LTAP1: variants seen among roughly 807,000 people sequenced by gnomAD.
LTAP1 encodes the protein HCV NS5A-transactivated protein 4.
chr1:154,218,015 T>C, the LTAP1 span, among the ~76,000 whole-genome samples: 3 of 152,184 alleles, frequency 2.0e-5, no homozygotes, highest in South Asian at 6.2e-4. Context: ...CTGCAGTCTG[T>C]AACTCCTGGG....
chr1:154,219,744 G>A, the LTAP1 span: 9 of 942,634 alleles, frequency 9.5e-6, no homozygotes, highest in African/African-American at 1.0e-4. Flanking sequence ...AGAAACATGA[G>A]AATTAAAGTC....
chr1:154,212,636 A>T, the LTAP1 span: 7 of 1,613,488 alleles, frequency 4.3e-6, no homozygotes, highest in South Asian at 7.7e-5. Context: ...TGTGGAGAAA[A>T]CAGCACAATG....
At chr1:154,220,028 G>T in the LTAP1 span, 1 of 1,129,604 alleles carries the variant, frequency 8.9e-7, no homozygotes, top group Non-Finnish European at 1.3e-6. Flanking sequence ...CAAATCCCCA[G>T]ATTCCGGCTC....
At chr1:154,206,813 C>T in the LTAP1 span, 2 of 155,960 alleles carry the variant, frequency 1.3e-5, no homozygotes, top group African/African-American at 4.8e-5. Context: ...CCTACTGTCA[C>T]ATAGCCTGGC....
At chr1:154,212,491 CA>C in the LTAP1 span, 3 of 1,614,146 alleles carry the variant, frequency 1.9e-6, no homozygotes, top group Non-Finnish European at 2.5e-6. Context: ...CATAGCCATC[CA>C]AAAGGGTATC....
the LTAP1 span, among the ~76,000 whole-genome samples, chr1:154,219,548 A>T: frequency 1.3e-5 from 2 of 152,236 alleles, no homozygotes; most frequent in East Asian, 3.8e-4. Flanking sequence ...GGGTAGTTTA[A>T]GATGAGCTGG....
At chr1:154,211,922 T>C in the LTAP1 span, 1 of 192,534 alleles carries the variant, frequency 5.2e-6, no homozygotes, top group Admixed American at 5.3e-5. Context: ...AATGGCACGA[T>C]CTTGGCTCAC....
the LTAP1 span, among the ~76,000 whole-genome samples, chr1:154,210,810 G>A: frequency 1.3e-5 from 2 of 149,682 alleles, no homozygotes; most frequent in African/African-American, 2.5e-5. Flanking sequence ...TTCCTTTCTC[G>A]CCAAGAACTT....
At chr1:154,213,915 A>C in the LTAP1 span, 14 of 1,613,166 alleles carry the variant, frequency 8.7e-6, no homozygotes, top group Non-Finnish European at 1.1e-5. Flanking sequence ...TGGCATCCAG[A>C]GCTTTCATCC....
chr1:154,207,790 A>T, the LTAP1 span: 2 of 704,562 alleles, frequency 2.8e-6, no homozygotes, highest in South Asian at 3.9e-5. Context: ...AGTTACTAAA[A>T]CCCCATCTAG....
At chr1:154,211,685 T>TG in the LTAP1 span, 7 of 152,258 alleles carry the variant, frequency 4.6e-5, no homozygotes, top group African/African-American at 1.7e-4. Flanking sequence ...AAAGGGACGC[T>TG]GAGACTCTGA....
the LTAP1 span, chr1:154,219,807 T>A: frequency 2.0e-6 from 3 of 1,468,560 alleles, no homozygotes; most frequent in East Asian, 2.3e-5. Context: ...TCTGGAGAAG[T>A]ATGTTTAACT....
At chr1:154,212,846 G>A in the LTAP1 span, 7 of 513,602 alleles carry the variant, frequency 1.4e-5, no homozygotes, top group South Asian at 6.2e-5. Context: ...ATTTTTAGTA[G>A]AGACAAAAAT....
At chr1:154,207,947 A>C in the LTAP1 span, among the ~76,000 whole-genome samples, 1 of 152,070 alleles carries the variant, frequency 6.6e-6, no homozygotes, top group African/African-American at 2.4e-5. Context: ...CTAAAAATAC[A>C]AAAATTAGCT....
chr1:154,209,595 AT>A, the LTAP1 span, among the ~76,000 whole-genome samples: 14 of 148,152 alleles, frequency 9.4e-5, no homozygotes, highest in African/African-American at 2.3e-4. Context: ...CTCCCAGCTA[AT>A]TTTTTTTCGA....
chr1:154,213,554 G>GA, the LTAP1 span, among the ~76,000 whole-genome samples: 2 of 152,166 alleles, frequency 1.3e-5, no homozygotes, highest in African/African-American at 4.8e-5. Flanking sequence ...TGACAGAATG[G>GA]AAAAAATTCA....
At chr1:154,219,001 G>A in the LTAP1 span, among the ~76,000 whole-genome samples, 100 of 152,308 alleles carry the variant, frequency 6.6e-4, no homozygotes, top group African/African-American at 2.3e-3. Flanking sequence ...GATCACAGGA[G>A]CAAAAAGGGT....
chr1:154,220,371 C>T, the LTAP1 span: 3 of 1,614,246 alleles, frequency 1.9e-6, no homozygotes, highest in Non-Finnish European at 2.5e-6. Context: ...ACCAGCACGA[C>T]ATTCACCCCG....
chr1:154,212,883 G>C, the LTAP1 span, among the ~76,000 whole-genome samples: 1 of 152,050 alleles, frequency 6.6e-6, no homozygotes, highest in African/African-American at 2.4e-5. Flanking sequence ...TTGTTGGCTA[G>C]GTTGGTCTTG....
Sources: gnomAD v4.1 joint callset for allele counts (sites outside exome capture counted in the v4.1 genomes callset) on GRCh38, gnomAD v4.1.1 for gene constraint, MANE v1.5 for transcripts, NCBI Gene and HGNC (gene_info 2026-07-23, HGNC 2026-07-21) for gene names.